Variants in ZNF516 observed in about 807,000 individuals in gnomAD.
ZNF516 encodes zinc finger protein 516.
ZNF516 carries 19 observed loss-of-function variants against 79.7 expected under a neutral mutation model. The observed-to-expected ratio is 0.24, with a 90% confidence interval of 0.17 to 0.35. ZNF516 has a LOEUF of 0.35. Ranked by LOEUF, ZNF516 falls within the 10% of genes least tolerant of loss-of-function variation. The pLI is 1.00. For missense variants in ZNF516, 1,678 were observed against 1,679.5 expected, an observed-to-expected ratio of 1.00 and a Z score of 0.02; for synonymous variants, 877 against 739.5, an observed-to-expected ratio of 1.19 and a Z score of -3.02.
Position 76,446,564 on chromosome 18 carries a change from C to A in ZNF516, c.-157-3353G>T, listed in dbSNP as rs564497750. Reference sequence around the variant, plus strand: ...CAATCCTTGCACAGCCTTGACTCCCCGGTACCCCCGCCCTAGCTAGAGCCT... The same window carrying A: ...CAATCCTTGCACAGCCTTGACTCCCAGGTACCCCCGCCCTAGCTAGAGCCT... On this transcript the variant is annotated intron_variant, in intron 2 of 6. Transcript: ENST00000443185. 2.4e-3 allele frequency among the ~76,000 whole-genome samples: 358 copies of A among 152,320 alleles called. 2 individuals are homozygous for A. Among genetic ancestry groups the A allele is most frequent in the Non-Finnish European group, 3.4e-3 (230 of 68,022 alleles).
chr18:76,372,273 C>A (rs116566792), intron 4 of ZNF516, among the ~76,000 whole-genome samples: 1,559 of 152,360 alleles, frequency 0.01, 32 homozygotes, highest in African/African-American at 0.036. Context: ...AAAAGCCACA[C>A]GACTTTGATT....
intron 1 of ZNF516, among the ~76,000 whole-genome samples, chr18:76,487,368 G>A (rs1914890078): frequency 6.6e-6 from 1 of 152,206 alleles, no homozygotes; most frequent in Non-Finnish European, 1.5e-5. Context: ...TTCGTACACT[G>A]TAGTGGATGC....
chr18:76,434,866 G>A lies in ZNF516; in HGVS notation c.1810+6379C>T, dbSNP rs554436190. ...ATCACAGCCTCCCCACTGCAACGCA[G>A]GACACTGCAAATTCCCAGGGGCTGA... On this transcript the variant is annotated intron_variant, in intron 3 of 6. Coordinates refer to ENST00000443185, the MANE Select transcript of ZNF516 (RefSeq NM_014643.4). 2.8e-4 allele frequency among the ~76,000 whole-genome samples: 42 copies of A among 152,346 alleles called. No individual in the cohort carries two copies. The South Asian group carries it at 8.3e-3, about 30-fold the overall frequency.
At chr18:76,389,432 A>G (rs2075038839) in intron 3 of ZNF516, 1 of 152,236 alleles carries the variant, frequency 6.6e-6, no homozygotes, top group African/African-American at 2.4e-5. Flanking sequence ...GCTGCCTTAT[A>G]AACAGTGCAT....
chr18:76,380,991 T>C (rs2074883113), intron 3 of ZNF516, among the ~76,000 whole-genome samples: 1 of 152,224 alleles, frequency 6.6e-6, no homozygotes, highest in African/African-American at 2.4e-5. Context: ...ACCTGCCGGC[T>C]GCCCAGGAGA....
chr18:76,485,690 G>A (rs1402332719), intron 1 of ZNF516, among the ~76,000 whole-genome samples: 1 of 152,060 alleles, frequency 6.6e-6, no homozygotes, highest in Non-Finnish European at 1.5e-5. Context: ...CATGGCATAA[G>A]AGCCACCCTG....
intron 3 of ZNF516, among the ~76,000 whole-genome samples, chr18:76,404,282 G>A: frequency 6.6e-6 from 1 of 152,238 alleles, no homozygotes; most frequent in Non-Finnish European, 1.5e-5. Flanking sequence ...GCCTGGGGGA[G>A]ACGACGTGAT....
intron 2 of ZNF516, among the ~76,000 whole-genome samples, chr18:76,452,301 C>T (rs531163269): frequency 8.5e-5 from 13 of 152,138 alleles, no homozygotes; most frequent in Non-Finnish European, 1.8e-4. Flanking sequence ...GTTCAGAAAA[C>T]GAGGTAGAGT....
At chr18:76,460,581 C>A (rs188017763) in intron 2 of ZNF516, among the ~76,000 whole-genome samples, 1 of 151,768 alleles carries the variant, frequency 6.6e-6, no homozygotes, top group South Asian at 2.1e-4. Context: ...CGGCCACTGA[C>A]CAGTAAAAAA....
At chr18:76,439,815 A>T (rs1370047516) in intron 3 of ZNF516, among the ~76,000 whole-genome samples, 1 of 152,224 alleles carries the variant, frequency 6.6e-6, no homozygotes, top group East Asian at 1.9e-4. Flanking sequence ...TGCTCCAAAA[A>T]GTAGACAGAG....
chr18:76,490,420 G>T (rs1213753466), intron 1 of ZNF516, among the ~76,000 whole-genome samples: 1 of 152,208 alleles, frequency 6.6e-6, no homozygotes, highest in Admixed American at 6.5e-5. Flanking sequence ...AATGAAGCTG[G>T]AACAAATGAT....
At chr18:76,470,963 T>A (rs1913798851) in intron 1 of ZNF516, among the ~76,000 whole-genome samples, 2 of 152,248 alleles carry the variant, frequency 1.3e-5, no homozygotes, top group Non-Finnish European at 2.9e-5. Context: ...CCTGATTTTT[T>A]AAATTTCTTT....
At chr18:76,401,980 T>C (rs2145222646) in intron 3 of ZNF516, among the ~76,000 whole-genome samples, 1 of 152,168 alleles carries the variant, frequency 6.6e-6, no homozygotes, top group Non-Finnish European at 1.5e-5. Flanking sequence ...TGCGTGCCTA[T>C]GTGCATGTGT....
intron 4 of ZNF516, among the ~76,000 whole-genome samples, chr18:76,375,425 G>A (rs958558663): frequency 3.9e-5 from 6 of 152,098 alleles, no homozygotes; most frequent in Non-Finnish European, 5.9e-5. Flanking sequence ...GGATGGGGAA[G>A]GTCCCAGAGA....
rs188868090 is a variant in ZNF516 at position 76,451,981 on chromosome 18, G to A, written c.-157-8770C>T. On this transcript the variant is annotated intron_variant, in intron 2 of 6. Coordinates refer to ENST00000443185, the MANE Select transcript of ZNF516 (RefSeq NM_014643.4). This position sits in a 1 kb window ranked among gnomAD's most constrained non-coding sequence, Gnocchi z 6.0. ...CACTATTGGGAGAGTAAGTACGGCC[G>A]ATGACAGGCCTGGAGGCGGCTGCTG... is the stretch of plus-strand genomic sequence containing the variant. Among the ~76,000 whole-genome samples the A allele has an allele frequency of 2.6e-5, 4 of 152,146 alleles. No homozygotes were observed. Among genetic ancestry groups the A allele is most frequent in the African/African-American group, 7.2e-5 (3 of 41,416 alleles).
At chr18:76,489,061 A>C (rs80018763) in intron 1 of ZNF516, among the ~76,000 whole-genome samples, 1,770 of 152,342 alleles carry the variant, frequency 0.012, 33 homozygotes, top group African/African-American at 0.04. Context: ...TTCAGTCTCT[A>C]TCTCTACAGC....
intron 2 of ZNF516, among the ~76,000 whole-genome samples, chr18:76,445,778 G>A (rs1012969897): frequency 1.3e-5 from 2 of 152,234 alleles, no homozygotes; most frequent in Admixed American, 6.5e-5. Context: ...TCACCCAGGA[G>A]GAGCCCAGGC....
intron 4 of ZNF516, among the ~76,000 whole-genome samples, chr18:76,377,722 T>G (rs1239968268): frequency 2.0e-5 from 3 of 150,660 alleles, no homozygotes; most frequent in African/African-American, 7.3e-5. Flanking sequence ...GTTATTTTTT[T>G]TTTTTTTTTT....
intron 1 of ZNF516, among the ~76,000 whole-genome samples, chr18:76,465,249 G>A (rs1254337911): frequency 6.6e-6 from 1 of 152,222 alleles, no homozygotes; most frequent in African/African-American, 2.4e-5. Context: ...TTCGGGTTAT[G>A]CACATCCAGA....
Sources: gnomAD v4.1 joint callset for allele counts (sites outside exome capture counted in the v4.1 genomes callset) on GRCh38, gnomAD v4.1.1 for gene constraint, Gnocchi (gnomAD v3.1) non-coding constraint, MANE v1.5 for transcripts, NCBI Gene and HGNC (gene_info 2026-07-23, HGNC 2026-07-21) for gene names.